Variants in TMEM68 observed in about 807,000 individuals in gnomAD.
TMEM68 encodes the protein DGAT1/2-independent enzyme synthesizing storage lipids.
Under a neutral mutation model 36.9 loss-of-function variants are expected in TMEM68, and 25 were observed. The observed-to-expected ratio is 0.68, with a 90% CI of 0.49 to 0.95. The LOEUF (loss-of-function observed/expected upper bound fraction) is 0.95. Ranked by LOEUF, TMEM68 falls within the 40% of genes least tolerant of loss-of-function variation. TMEM68 has a pLI of 0.00. For synonymous variants in TMEM68, 131 were observed against 124.4 expected (o/e 1.05, Z -0.35); for missense variants, 333 against 392.0 (o/e 0.85, Z 1.27).
chr8:55,756,400 G>C lies in TMEM68; in HGVS notation c.337C>G (p.His113Asp). The C allele has an allele frequency of 6.3e-7, 1 of 1,581,982 alleles. No individual in the cohort carries two copies. Among genetic ancestry groups the C allele is most frequent in the Non-Finnish European group, 8.5e-7 (1 of 1,170,202 alleles). The stretch of plus-strand genomic sequence containing the variant: ...TCTTCTGGTATTTTTTCCATTCCAT[G>C]AACTTCATAACCTGTTTGAATGACA... ...HAAVWHGYEV[H>D]GMEKIPEDGP... Residue 113 changes from histidine (H) to aspartate (D), a missense_variant, in exon 4 of 8, where the codon CAT becomes GAT. Transcript: ENST00000434581.
At chr8:55,744,919 T>G in intron 6 of TMEM68, 142 bp downstream of exon 6, 1 of 491,250 alleles carries the variant, frequency 2.0e-6, no homozygotes, top group South Asian at 4.1e-5. Context: ...CTAGTTATCA[T>G]TTGGACTTTA....
chr8:55,742,591 G>C (rs980831896), intron 7 of TMEM68, among the ~76,000 whole-genome samples: 1 of 152,042 alleles, frequency 6.6e-6, no homozygotes, highest in Non-Finnish European at 1.5e-5. Context: ...CCAGGCTGGA[G>C]TGCAGTGGCA....
At chr8:55,762,468 A>G (rs1810824653) in intron 3 of TMEM68, 167 bp downstream of exon 3, 2 of 1,328,548 alleles carry the variant, frequency 1.5e-6, no homozygotes, top group South Asian at 1.6e-5. Flanking sequence ...TCATTTTAAG[A>G]AAGACACATA....
chr8:55,759,588 A>G (rs914661743), intron 3 of TMEM68, among the ~76,000 whole-genome samples: 2 of 151,922 alleles, frequency 1.3e-5, no homozygotes, highest in East Asian at 1.9e-4. Context: ...AAATAAATAA[A>G]TATAAATAAA....
chr8:55,769,410 G>A (rs192187307), intron 1 of TMEM68, among the ~76,000 whole-genome samples: 155 of 151,632 alleles, frequency 1.0e-3, no homozygotes, highest in Non-Finnish European at 1.7e-3. Context: ...AACAGATGAT[G>A]TAGGAGAGGA....
intron 5 of TMEM68, 61 bp from the exon 6 acceptor site, chr8:55,745,182 T>C: frequency 1.7e-6 from 2 of 1,172,316 alleles, no homozygotes; most frequent in Non-Finnish European, 2.3e-6. Context: ...ATGTCTCCAT[T>C]AGAGTAACTA....
At chr8:55,771,573 C>T (rs1384484779) in intron 1 of TMEM68, among the ~76,000 whole-genome samples, 1 of 151,924 alleles carries the variant, frequency 6.6e-6, no homozygotes, top group Non-Finnish European at 1.5e-5. Context: ...GCCGCGATCG[C>T]GCCACTACAC....
intron 7 of TMEM68, among the ~76,000 whole-genome samples, chr8:55,741,782 A>G (rs1281985917): frequency 6.6e-6 from 1 of 152,234 alleles, no homozygotes; most frequent in Non-Finnish European, 1.5e-5. Flanking sequence ...CAGGTATTCA[A>G]AAGCTGGGTA....
chr8:55,754,308 C>A (rs1263388734), intron 4 of TMEM68, among the ~76,000 whole-genome samples: 5 of 150,870 alleles, frequency 3.3e-5, no homozygotes, highest in Non-Finnish European at 5.9e-5. Context: ...ATCTGCAATC[C>A]CAACTACTTG....
At position 55,743,636 on chromosome 8, in the gene TMEM68, T is replaced by C. The variant is rs7836019; in HGVS notation, c.749-16A>G. ...CTAAATAACCCTGTTTTAGAGTAAATACAATCATTTTAACTTGTTAAGTAT... is the reference window on the plus strand; with the variant it reads ...CTAAATAACCCTGTTTTAGAGTAAACACAATCATTTTAACTTGTTAAGTAT... On this transcript the variant is annotated splice_polypyrimidine_tract_variant and intron_variant, in intron 6 of 7. Transcript: ENST00000434581. The C allele has an allele frequency of 0.89, 1,361,037 of 1,528,438 alleles. 606,687 individuals are homozygous for C. The highest frequency in any genetic ancestry group is 0.99 in the East Asian group (40,522 of 40,842). 94.7% of individuals were successfully genotyped at this position (1,528,438 alleles called of 1,614,324 possible).
At position 55,762,620 on chromosome 8, in the gene TMEM68, A is replaced by C. The variant is rs1490649025; in HGVS notation, c.325+15T>G. On this transcript the variant is annotated intron_variant, in intron 3 of 7. Transcript: ENST00000434581. ...ACATGAATGGCAACACAAAGGTGAAAGTATCCTTGCTTACCATGCCAAACG... is the reference window on the plus strand; with the variant it reads ...ACATGAATGGCAACACAAAGGTGAACGTATCCTTGCTTACCATGCCAAACG... 20 of 1,614,122 alleles carry C rather than the reference A, an allele frequency of 1.2e-5. No homozygotes were observed. Among genetic ancestry groups the C allele is most frequent in the Non-Finnish European group, 1.5e-5 (18 of 1,180,000 alleles).
At chr8:55,754,744 ATATT>A (rs1219790386) in intron 4 of TMEM68, among the ~76,000 whole-genome samples, 1 of 126,970 alleles carries the variant, frequency 7.9e-6, no homozygotes, top group East Asian at 2.0e-4. Context: ...ACTTATATAT[ATATT>A]ATATATAAAA....
intron 1 of TMEM68, among the ~76,000 whole-genome samples, chr8:55,766,623 G>A (rs1051569699): frequency 1.3e-5 from 2 of 151,900 alleles, no homozygotes; most frequent in African/African-American, 2.4e-5. Context: ...TGATCCGCCC[G>A]CCTCGGCCTC....
At chr8:55,767,029 TGCCTC>T (rs1478833783) in intron 1 of TMEM68, among the ~76,000 whole-genome samples, 24 of 150,630 alleles carry the variant, frequency 1.6e-4, no homozygotes, top group African/African-American at 5.6e-4. Context: ...AATATCTTTC[TGCCTC>T]AGTTTCTTCA....
Position 55,751,019 on chromosome 8 carries a change from T to C in TMEM68, c.632A>G (p.Asn211Ser). 6.2e-7 allele frequency: 1 copy of C among 1,614,034 alleles called. No individual in the cohort carries two copies. The highest frequency in any genetic ancestry group is 1.1e-5 in the South Asian group (1 of 91,074). ...REALISDETYNIVWGHRRGFA... is the reference protein window; with the variant it reads ...REALISDETYSIVWGHRRGFA... Reference sequence around the variant, plus strand: ...GCCTCTGCGATGACCCCATACGATGTTATAAGTTTCATCACTAATTAGGGC... The same window carrying C: ...GCCTCTGCGATGACCCCATACGATGCTATAAGTTTCATCACTAATTAGGGC... Residue 211 changes from asparagine to serine, a missense_variant, in exon 5 of 8, where the codon AAC (asparagine) becomes AGC (serine). Asn to Ser is a conservative substitution (Grantham distance 46, BLOSUM62 1). Transcript: ENST00000434581.
At chr8:55,770,425 AAC>A (rs1811117189) in intron 1 of TMEM68, among the ~76,000 whole-genome samples, 1 of 152,216 alleles carries the variant, frequency 6.6e-6, no homozygotes, top group East Asian at 1.9e-4. Context: ...CTGTGATTCC[AAC>A]AGTTTTCGAG....
Position 55,751,030 on chromosome 8 carries a change from A to T in TMEM68, c.621T>A (p.Asp207Glu). 6.2e-7 allele frequency: 1 copy of T among 1,614,056 alleles called. No individual in the cohort carries two copies. Among genetic ancestry groups the T allele is most frequent in the Non-Finnish European group, 8.5e-7 (1 of 1,180,000 alleles). ...GACCCCATACGATGTTATAAGTTTC[A>T]TCACTAATTAGGGCTTCTCGAACTC... ...PGGVREALIS[D>E]ETYNIVWGHR... is the part of the protein sequence containing the mutation. The change falls in exon 5 of 8, where the codon GAT (aspartate) becomes GAA (glutamate). Residue 207 changes from aspartate (D) to glutamate (E), a missense_variant. Coordinates refer to ENST00000434581, the MANE Select transcript of TMEM68 (RefSeq NM_001286657.2).
chr8:55,771,944 C>T (rs1811185319), intron 1 of TMEM68, among the ~76,000 whole-genome samples: 2 of 152,154 alleles, frequency 1.3e-5, no homozygotes, highest in Admixed American at 1.3e-4. Flanking sequence ...ACTCGAGGTT[C>T]TGATACAAAT....
intron 7 of TMEM68, among the ~76,000 whole-genome samples, chr8:55,741,646 T>G (rs1482933876): frequency 6.6e-6 from 1 of 151,984 alleles, no homozygotes; most frequent in African/African-American, 2.4e-5. Context: ...AACAGGGTAT[T>G]GTTTGGTGCG....
Sources: gnomAD v4.1 joint callset for allele counts (sites outside exome capture counted in the v4.1 genomes callset) on GRCh38, gnomAD v4.1.1 for gene constraint, MANE v1.5 for transcripts, NCBI Gene and HGNC (gene_info 2026-07-23, HGNC 2026-07-21) for gene names.